Variants in PCDHA8 observed in about 807,000 individuals in gnomAD.
The protein encoded by PCDHA8 is protocadherin alpha-8.
Under a neutral mutation model 61.8 loss-of-function variants are expected in PCDHA8, and 53 were observed. That is an observed-to-expected ratio of 0.86 (90% CI 0.69 to 1.08). The LOEUF (loss-of-function observed/expected upper bound fraction) is 1.08. Ranked by LOEUF, PCDHA8 falls within the 50% of genes least tolerant of loss-of-function variation. The pLI, the probability that PCDHA8 is intolerant of heterozygous loss-of-function variation, is 0.00. For synonymous variants in PCDHA8, 618 were observed against 556.6 expected, an observed-to-expected ratio of 1.11 and a Z score of -1.55; for missense variants, 1,293 against 1,245.0, an observed-to-expected ratio of 1.04 and a Z score of -0.58.
chr5:140,853,333 G>A (rs905529637), intron 1 of PCDHA8: 2 of 983,832 alleles, frequency 2.0e-6, no homozygotes, highest in Middle Eastern at 5.3e-4. Context: ...ATCTTTTGAG[G>A]TCATTAGCAA....
At chr5:140,867,366 T>C (rs1478062885) in intron 1 of PCDHA8, 2 of 152,156 alleles carry the variant, frequency 1.3e-5, no homozygotes, top group African/African-American at 4.8e-5. Flanking sequence ...ATTTTACAGA[T>C]GCGTAATGGA....
chr5:140,891,861 T>C (rs1346164388), intron 1 of PCDHA8, among the ~76,000 whole-genome samples: 1 of 152,174 alleles, frequency 6.6e-6, no homozygotes, highest in Non-Finnish European at 1.5e-5. Context: ...GTCCCTCTCT[T>C]ATGCTTTTGG....
chr5:140,966,470 T>C, intron 1 of PCDHA8: 1 of 431,298 alleles, frequency 2.3e-6, no homozygotes, highest in Non-Finnish European at 4.0e-6. Context: ...TCTTCCCTTC[T>C]GTTTCCTTTT....
chr5:140,843,940 T>C (rs1562418437), intron 1 of PCDHA8: 1 of 573,848 alleles, frequency 1.7e-6, no homozygotes, highest in South Asian at 2.4e-5. Flanking sequence ...TATGGTTGGA[T>C]GATATCCATT....
chr5:140,856,274 G>T, intron 1 of PCDHA8: 1 of 1,598,358 alleles, frequency 6.3e-7, no homozygotes, highest in Non-Finnish European at 8.6e-7. Context: ...CCTTCTGGAG[G>T]TAAATCTGCA....
intron 1 of PCDHA8, among the ~76,000 whole-genome samples, chr5:140,941,241 T>TTCTTTCTTTCTTTCTTTCTC (rs1585048929): frequency 7.1e-6 from 1 of 140,568 alleles, no homozygotes; most frequent in East Asian, 2.0e-4. Context: ...CTTTCTTTCT[T>TTCTTTCTTTCTTTCTTTCTC]TCTTTCTTTC....
At chr5:140,929,103 G>C (rs1424047708) in intron 1 of PCDHA8, 1 of 1,614,062 alleles carries the variant, frequency 6.2e-7, no homozygotes, top group East Asian at 2.2e-5. Flanking sequence ...ATCCTTGCAT[G>C]ACATCAGCCA....
rs541123870 is a variant in PCDHA8 at position 140,857,278 on chromosome 5, C to T, written c.2394+13563C>T. 4.4e-6 allele frequency: 7 copies of T among 1,598,684 alleles called. No individual in the cohort carries two copies. The South Asian group carries it at 7.7e-5, about 18-fold the overall frequency. On this transcript the variant is annotated intron_variant, in intron 1 of 3. Coordinates refer to ENST00000531613, the MANE Select transcript of PCDHA8 (RefSeq NM_018911.3). ...ATTACTACTCATTGGTGCTGGACAG[C>T]GCTCTGGACCGCGAGAGGGTGTCGG...
At chr5:140,874,625 T>C (rs1342932675) in intron 1 of PCDHA8, among the ~76,000 whole-genome samples, 3 of 152,238 alleles carry the variant, frequency 2.0e-5, no homozygotes, top group Admixed American at 6.5e-5. Flanking sequence ...ACATTTTACA[T>C]TAAAGTGCTT....
At chr5:140,912,178 G>A (rs2153520957) in intron 1 of PCDHA8, among the ~76,000 whole-genome samples, 1 of 152,266 alleles carries the variant, frequency 6.6e-6, no homozygotes, top group South Asian at 2.1e-4. Flanking sequence ...GCTGGCAGCT[G>A]ATTAGATTGT....
At chr5:140,875,780 G>C in intron 1 of PCDHA8, 3 of 1,614,128 alleles carry the variant, frequency 1.9e-6, no homozygotes, top group Admixed American at 3.3e-5. Flanking sequence ...GCGGAGTGCA[G>C]TATCCACCTG....
chr5:140,981,626 T>A (rs1199717691), intron 2 of PCDHA8, among the ~76,000 whole-genome samples: 1 of 152,176 alleles, frequency 6.6e-6, no homozygotes, highest in Middle Eastern at 3.2e-3. Flanking sequence ...GAGGGTTTTC[T>A]TGGACATTTT....
chr5:140,886,637 C>A (rs1379156415), intron 1 of PCDHA8, among the ~76,000 whole-genome samples: 3 of 151,848 alleles, frequency 2.0e-5, no homozygotes, highest in Non-Finnish European at 4.4e-5. Context: ...ACCAGCCTGG[C>A]CAACATGGTG....
intron 1 of PCDHA8, among the ~76,000 whole-genome samples, chr5:140,905,373 G>C (rs556428182): frequency 3.1e-4 from 47 of 152,236 alleles, no homozygotes; most frequent in Non-Finnish European, 4.6e-4. Context: ...CTGGTTCTCT[G>C]TTCTGTTTCA....
intron 1 of PCDHA8, among the ~76,000 whole-genome samples, chr5:140,944,577 C>G (rs2093670906): frequency 6.6e-6 from 1 of 152,270 alleles, no homozygotes; most frequent in Admixed American, 6.5e-5. Flanking sequence ...CTGTAGAGAT[C>G]ACTTCAGAAT....
intron 1 of PCDHA8, chr5:140,859,639 T>G (rs1419564799): frequency 6.3e-6 from 1 of 159,542 alleles, no homozygotes; most frequent in Non-Finnish European, 1.4e-5. Flanking sequence ...GAGATTGAAT[T>G]TGTTACTCAG....
chr5:140,926,778 A>G, intron 1 of PCDHA8: 1 of 1,393,042 alleles, frequency 7.2e-7, no homozygotes, highest in East Asian at 2.6e-5. Context: ...CGCAGCAGTG[A>G]CGGCCGGCAG....
At chr5:140,850,541 G>A (rs1554144490) in intron 1 of PCDHA8, 2 of 1,598,272 alleles carry the variant, frequency 1.3e-6, no homozygotes, top group Non-Finnish European at 1.7e-6. Flanking sequence ...CGTCGCGGGC[G>A]TCAGTGGGTG....
intron 1 of PCDHA8, chr5:140,854,002 A>G: frequency 2.5e-6 from 1 of 395,852 alleles, no homozygotes; most frequent in Non-Finnish European, 3.5e-6. Flanking sequence ...ATCTCTGCCA[A>G]AAAAAAAAAA....
Sources: allele counts gnomAD v4.1 joint callset (sites outside exome capture counted in the v4.1 genomes callset), GRCh38; gene constraint gnomAD v4.1.1; transcripts MANE v1.5; gene names NCBI Gene and HGNC (gene_info 2026-07-23, HGNC 2026-07-21).